Variants in DOCK4 observed in about 807,000 individuals in gnomAD.
DOCK4 encodes dedicator of cytokinesis 4, also known as dedicator of cytokinesis protein 4.
Under a neutral mutation model 268.1 loss-of-function variants are expected in DOCK4, and 97 were observed. The ratio of observed to expected loss-of-function variants is 0.36; its 90% CI spans 0.31 to 0.43. The LOEUF (loss-of-function observed/expected upper bound fraction) is 0.43, where lower values mean the gene tolerates loss of function less well. DOCK4 is among the 20% of genes least tolerant of loss of function. The pLI is 1.00. For synonymous variants in DOCK4, 954 were observed against 887.2 expected (o/e 1.08, Z -1.34); for missense variants, 2,145 against 2,455.7 (o/e 0.87, Z 2.67).
Position 111,861,745 on chromosome 7 carries a change from C to CAA in DOCK4, c.2473+1625_2473+1626dup, listed in dbSNP as rs35987323. ...TGGGTGGCTGAGCAAGACTCAGTCT[C>CAA]AAAAAAAAAAAAAAATAATAATAAT... is the stretch of plus-strand genomic sequence containing the variant. On this transcript the variant is annotated intron_variant, in intron 23 of 52. Transcript: ENST00000428084. 4.1e-3 allele frequency among the ~76,000 whole-genome samples: 467 copies of CAA among 114,604 alleles called. 4 individuals are homozygous for CAA. The highest frequency in any genetic ancestry group is 0.013 in the African/African-American group (434 of 33,492). 75.2% of individuals were successfully genotyped at this position (114,604 alleles called of 152,430 possible).
At chr7:111,817,945 A>G (rs57243741) in intron 27 of DOCK4, among the ~76,000 whole-genome samples, 14,417 of 152,136 alleles carry the variant, frequency 0.095, 2,190 homozygotes, top group African/African-American at 0.32. Flanking sequence ...ATGGTCACCA[A>G]TATCTACCAC....
chr7:111,834,403 T>C (rs1803075358), intron 26 of DOCK4, among the ~76,000 whole-genome samples, 185 bp downstream of exon 26: 1 of 152,148 alleles, frequency 6.6e-6, no homozygotes, highest in South Asian at 2.1e-4. Context: ...TAGCTTTGCT[T>C]GAGTAATAGA....
intron 27 of DOCK4, among the ~76,000 whole-genome samples, chr7:111,812,564 C>T (rs1333917015): frequency 6.6e-6 from 1 of 152,198 alleles, no homozygotes; most frequent in Non-Finnish European, 1.5e-5. Context: ...TTACAGGCAA[C>T]ATTCCATATT....
intron 1 of DOCK4, among the ~76,000 whole-genome samples, chr7:112,055,658 A>G (rs903901920): frequency 1.5e-4 from 23 of 152,210 alleles, no homozygotes; most frequent in Admixed American, 1.3e-4. Context: ...CTATAATCCC[A>G]GCACTCTGGG....
chr7:111,736,285 G>A (rs982419439), intron 50 of DOCK4, among the ~76,000 whole-genome samples: 1 of 152,128 alleles, frequency 6.6e-6, no homozygotes, highest in Non-Finnish European at 1.5e-5. Context: ...AGAGGTGAAT[G>A]GGTGACTTGC....
intron 36 of DOCK4, among the ~76,000 whole-genome samples, chr7:111,773,267 G>T (rs2133697928): frequency 6.6e-6 from 1 of 152,270 alleles, no homozygotes; most frequent in East Asian, 1.9e-4. Flanking sequence ...AGATAGAAAA[G>T]TTCCCTGTCA....
At position 111,726,184 on chromosome 7, in the gene DOCK4, A is replaced by T. The variant is rs1438041121; in HGVS notation, c.*2090T>A. 6.6e-6 allele frequency: 1 copy of T among 152,654 alleles called. No homozygotes were observed. The highest frequency in any genetic ancestry group is 1.9e-4 in the East Asian group (1 of 5,202). The allele number at this position is 152,654 out of a possible 1,614,324, so 9.5% of individuals were successfully genotyped here. On this transcript the variant is annotated 3_prime_UTR_variant, in exon 53 of 53. Transcript: ENST00000428084. ...CAACATGAACATGTGGGCTAACAGA[A>T]TCTCTTAAAATGTTCTGCTATGTAG...
chr7:112,102,490 G>T (rs1810785198), intron 1 of DOCK4, among the ~76,000 whole-genome samples: 1 of 152,164 alleles, frequency 6.6e-6, no homozygotes, highest in Non-Finnish European at 1.5e-5. Context: ...CCTCCAATCA[G>T]ATAGTATTAT....
intron 15 of DOCK4, among the ~76,000 whole-genome samples, chr7:111,896,527 A>T (rs1808772833): frequency 6.7e-6 from 1 of 148,846 alleles, no homozygotes; most frequent in East Asian, 2.0e-4. Flanking sequence ...TGGAGAAAGC[A>T]TTAACAGAAC....
At chr7:111,844,945 C>T in intron 24 of DOCK4, 48 bp from the exon 25 acceptor site, 1 of 1,562,224 alleles carries the variant, frequency 6.4e-7, no homozygotes, top group Non-Finnish European at 8.7e-7. Context: ...GTTTAACATG[C>T]ATTTCAATCT....
Position 111,790,446 on chromosome 7 carries a change from C to A in DOCK4, c.3315+11G>T. On this transcript the variant is annotated intron_variant, in intron 31 of 52. Transcript: ENST00000428084. ...ACTCTTCCAACTCTTCTGAGGAGCA[C>A]TTCTGCCTACCTGTTTAAAGTTGCC... is the stretch of plus-strand genomic sequence containing the variant. The A allele has an allele frequency of 6.2e-7, 1 of 1,612,980 alleles. No individual in the cohort carries two copies. Among genetic ancestry groups the A allele is most frequent in the Non-Finnish European group, 8.5e-7 (1 of 1,179,390 alleles).
intron 51 of DOCK4, 64 bp from the exon 52 acceptor site, chr7:111,732,351 T>A: frequency 6.5e-7 from 1 of 1,549,950 alleles, no homozygotes. Context: ...TATCTGCACA[T>A]GCCCTCTGTG....
intron 1 of DOCK4, among the ~76,000 whole-genome samples, chr7:112,165,667 T>G (rs1225005373): frequency 1.3e-5 from 2 of 151,990 alleles, no homozygotes; most frequent in Non-Finnish European, 2.9e-5. Context: ...TACTCCCTTC[T>G]TTTATCTTGA....
In DOCK4 at chr7:111,769,643, T is replaced by C. The variant is rs1797993094; in HGVS notation, c.3714A>G (p.Leu1238=). 2 of 1,613,670 alleles carry C rather than the reference T, an allele frequency of 1.2e-6. No individual in the cohort carries two copies. Among genetic ancestry groups the C allele is most frequent in the African/African-American group, 1.3e-5 (1 of 74,912 alleles). Residue 1238 remains leucine (L), a synonymous_variant, in exon 37 of 53, where the codon CTA becomes CTG. Coordinates refer to ENST00000428084, the MANE Select transcript of DOCK4 (RefSeq NM_001363540.2). ...TGAGGGGCCGATCAGACCATTCCAG[T>C]AGCTCGTCATATAAGAGGAGGGTAT... is the stretch of plus-strand genomic sequence containing the variant. ...AAYTLLLYDE[L]LEWSDRPLRE... is the part of the protein sequence containing the mutation.
chr7:111,847,779 T>C (rs987867534), intron 23 of DOCK4, among the ~76,000 whole-genome samples: 21 of 152,230 alleles, frequency 1.4e-4, no homozygotes, highest in Non-Finnish European at 2.1e-4. Flanking sequence ...GTGAGTCCAT[T>C]AAACCACTTT....
rs114841955 is a variant in DOCK4 at position 112,041,112 on chromosome 7, C to G, written c.38-36981G>C. On this transcript the variant is annotated intron_variant, in intron 1 of 52. Coordinates refer to ENST00000428084, the MANE Select transcript of DOCK4 (RefSeq NM_001363540.2). ...GATGAACTATTTTTCTTGGGTTTAA[C>G]AGGGAAATACTGTTGAACACTACTA... Among the ~76,000 whole-genome samples the G allele has an allele frequency of 3.1e-3, 466 of 152,162 alleles. 2 individuals are homozygous for G. Among genetic ancestry groups the G allele is most frequent in the African/African-American group, 0.011 (436 of 41,522 alleles).
rs766511218 is a variant in DOCK4, at chr7:111,741,523, T to C, written c.4919+17A>G. The C allele has an allele frequency of 3.7e-6, 6 of 1,610,126 alleles. No individual in the cohort carries two copies. In the African/African-American group the frequency reaches 8.0e-5, roughly 22 times the overall value. ...CGGGTGAGGCCAAATTGTAAGATAA[T>C]TTGGAATATGACTTACCTGCGTCTA... On this transcript the variant is annotated intron_variant, in intron 46 of 52. Transcript: ENST00000428084.
chr7:111,929,520 A>G (rs193206116), intron 12 of DOCK4, among the ~76,000 whole-genome samples: 5 of 152,350 alleles, frequency 3.3e-5, no homozygotes, highest in East Asian at 1.9e-4. Flanking sequence ...AGCAAATACA[A>G]TGTTCAAAAA....
In DOCK4 at chr7:112,004,129, T is replaced by A. The variant is rs1170834627; in HGVS notation, c.40A>T (p.Ile14Phe). The A allele has an allele frequency of 1.3e-6, 2 of 1,581,378 alleles. No individual in the cohort carries two copies. Among genetic ancestry groups the A allele is most frequent in the South Asian group, 2.3e-5 (2 of 86,094 alleles). The change falls in exon 2 of 53, where the codon ATT (isoleucine) becomes TTT (phenylalanine). Residue 14 changes from isoleucine to phenylalanine, a missense_variant and splice_region_variant. Coordinates refer to ENST00000428084, the MANE Select transcript of DOCK4 (RefSeq NM_001363540.2). ...PTEHEKYGVV[I>F]ASFRGTVPYG... is the part of the protein sequence containing the mutation. The stretch of plus-strand genomic sequence containing the variant: ...GGAACGGTTCCTCGGAAACTGGCAA[T>A]AACTGTAAAAAATGATAAAGAATAT...
Sources: allele counts gnomAD v4.1 joint callset (sites outside exome capture counted in the v4.1 genomes callset), GRCh38; gene constraint gnomAD v4.1.1; transcripts MANE v1.5; gene names NCBI Gene and HGNC (gene_info 2026-07-23, HGNC 2026-07-21).